Variants in SUMF2 observed in about 807,000 individuals in gnomAD.
SUMF2 encodes inactive C-alpha-formylglycine-generating enzyme 2.
Under a neutral mutation model 44.8 loss-of-function variants are expected in SUMF2, and 45 were observed. The ratio of observed to expected loss-of-function variants is 1.00; its 90% CI spans 0.79 to 1.29. SUMF2 has a LOEUF of 1.29. SUMF2 is among the 50% of genes most tolerant of loss of function. SUMF2 has a pLI of 0.00. For synonymous variants in SUMF2, 148 were observed against 150.4 expected (o/e 0.98, Z 0.12); for missense variants, 418 against 389.9 (o/e 1.07, Z -0.61).
chr7:56,076,323 G>A (rs1795546740), intron 5 of SUMF2, among the ~76,000 whole-genome samples: 1 of 151,984 alleles, frequency 6.6e-6, no homozygotes, highest in Non-Finnish European at 1.5e-5. Flanking sequence ...ACCATGCCCT[G>A]CATAATTTTT....
At chr7:56,068,418 C>T (rs1794950948) in intron 1 of SUMF2, 64 bp from the exon 2 acceptor site, 1 of 1,447,170 alleles carries the variant, frequency 6.9e-7, no homozygotes, top group Non-Finnish European at 9.4e-7. Context: ...GCATATGATC[C>T]AAATATTACC....
intron 2 of SUMF2, among the ~76,000 whole-genome samples, chr7:56,071,699 C>T (rs1340590130): frequency 5.9e-5 from 9 of 151,756 alleles, no homozygotes; most frequent in South Asian, 2.1e-4. Context: ...GCAAGATTAT[C>T]GCTTGAACCC....
chr7:56,076,928 A>G, intron 6 of SUMF2, 39 bp downstream of exon 6: 1 of 1,584,282 alleles, frequency 6.3e-7, no homozygotes, highest in African/African-American at 1.3e-5. Context: ...GCATTGACAG[A>G]GACCTGCTGG....
At chr7:56,086,844 C>A in the SUMF2 span, 3 of 792,934 alleles carry the variant, frequency 3.8e-6, no homozygotes, top group South Asian at 2.8e-5. Context: ...TGTCTAAACA[C>A]CGTGATTGTA....
At chr7:56,087,596 A>G in the SUMF2 span, 1 of 1,611,738 alleles carries the variant, frequency 6.2e-7, no homozygotes, top group Non-Finnish European at 8.5e-7. Context: ...GCCATCACTC[A>G]CTGATGTTGG....
At chr7:56,084,370 A>G, downstream of SUMF2, 1 of 408,794 alleles carries the variant, frequency 2.4e-6, no homozygotes, top group Non-Finnish European at 4.3e-6. Flanking sequence ...GAGTATCCCG[A>G]TTTTTTTTTT....
Position 56,076,836 on chromosome 7 carries a change from C to T in SUMF2, c.538C>T (p.Gln180Ter). 1 of 1,597,358 alleles carries T rather than the reference C, an allele frequency of 6.3e-7. No individual in the cohort carries two copies. The highest frequency in any genetic ancestry group is 8.5e-7 in the Non-Finnish European group (1 of 1,171,152). The change falls in exon 6 of 9, where the codon CAA becomes TAA. Residue 180 changes from glutamine (Q) to a stop codon, truncating the protein, a stop_gained and splice_region_variant. Transcript: ENST00000434526. LOFTEE classifies it high-confidence loss of function. ...CTGCCTCCTTGCTCTCCTCGCAGGT[C>T]AAGTTTACCCATGGGGGAACTGGTT... Reference protein sequence around the residue: ...EFAARGGLKGQVYPWGNWFQP... With the variant: ...EFAARGGLKG
At chr7:56,070,876 C>G (rs934425355) in intron 2 of SUMF2, among the ~76,000 whole-genome samples, 7 of 152,090 alleles carry the variant, frequency 4.6e-5, no homozygotes, top group African/African-American at 1.7e-4. Context: ...AAGCCTTTTG[C>G]TAAGTGAAGG....
intron 1 of SUMF2, among the ~76,000 whole-genome samples, chr7:56,065,192 A>G (rs1247399907): frequency 2.3e-5 from 2 of 87,624 alleles, no homozygotes; most frequent in Non-Finnish European, 5.0e-5. Flanking sequence ...CTCCGTCTCA[A>G]AAAAAAAAAA....
At chr7:56,076,759 CTCTT>C in intron 5 of SUMF2, 71 bp from the exon 6 acceptor site, 7 of 1,384,830 alleles carry the variant, frequency 5.1e-6, no homozygotes, top group Non-Finnish European at 7.0e-6. Context: ...GATTCCCTCA[CTCTT>C]TCTGTGTTCT....
At position 56,074,116 on chromosome 7, in the gene SUMF2, G is replaced by C. The variant is rs1325552051; in HGVS notation, c.340-58G>C. 2.1e-5 allele frequency: 33 copies of C among 1,540,186 alleles called. 1 individual carries two copies. The highest frequency in any genetic ancestry group is 1.7e-4 in the Middle Eastern group (1 of 5,912). On this transcript the variant is annotated intron_variant, in intron 3 of 8. Transcript: ENST00000434526. ...CTGTTCTGCGTCCTGTGGCTCAGTCGGGGAGGTGCCTTTGCTGGGCCGGAG... is the reference window on the plus strand; with the variant it reads ...CTGTTCTGCGTCCTGTGGCTCAGTCCGGGAGGTGCCTTTGCTGGGCCGGAG...
rs1430789091 is a variant in SUMF2, at chr7:56,074,727, G to T, written c.526G>T (p.Gly176Cys). The change falls in exon 5 of 9, where the codon GGC becomes TGC. Residue 176 changes from glycine (G) to cysteine (C), a missense_variant. Gly to Cys is a radical substitution (Grantham distance 159). Transcript: ENST00000434526. ...EEEWEFAARG[G>C]LKGQVYPWGN... is the part of the protein sequence containing the mutation. The stretch of plus-strand genomic sequence containing the variant: ...AGAGTGGGAGTTTGCCGCCCGAGGG[G>T]GCTTGAAGGGTATCCAGATGATAAG... The T allele has an allele frequency of 3.1e-6, 5 of 1,614,136 alleles. No homozygotes were observed. The highest frequency in any genetic ancestry group is 4.2e-6 in the Non-Finnish European group (5 of 1,180,024).
chr7:56,081,724 TTC>T, downstream of SUMF2: 1 of 1,613,662 alleles, frequency 6.2e-7, no homozygotes, highest in Non-Finnish European at 8.5e-7. The surrounding 1 kb of genome is among the most constrained non-coding windows in gnomAD (Gnocchi z 4.6). Flanking sequence ...TGTGTAGCGG[TTC>T]TGGGGTTGCA....
rs760678664 is a variant in SUMF2, at chr7:56,068,560, A to T, written c.146A>T (p.Asp49Val). Residue 49 changes from aspartate (D) to valine (V), a missense_variant, in exon 2 of 9, where the codon GAT (aspartate) becomes GTT (valine). Transcript: ENST00000434526. ...LMGTNSPDSR[D>V]GDGPVREATV... is the part of the protein sequence containing the mutation. The stretch of plus-strand genomic sequence containing the variant: ...GGAACAAATTCTCCAGACAGCAGAG[A>T]TGGTGACGGGCCTGTGCGGGAGGCG... The T allele has an allele frequency of 1.2e-6, 2 of 1,614,070 alleles. No homozygotes were observed. Among genetic ancestry groups the T allele is most frequent in the South Asian group, 1.1e-5 (1 of 91,072 alleles).
chr7:56,082,069 C>G (rs755611668), downstream of SUMF2: 4 of 1,609,602 alleles, frequency 2.5e-6, no homozygotes, highest in Non-Finnish European at 3.4e-6. Context: ...GGGCCCAGGG[C>G]CACTTACCCA....
At chr7:56,079,301 T>C in intron 8 of SUMF2, 2 of 575,346 alleles carry the variant, frequency 3.5e-6, no homozygotes, top group Non-Finnish European at 6.2e-6. Context: ...CTCCCCCTAC[T>C]CTTGCAAGAC....
chr7:56,086,931 T>G, the SUMF2 span: 6 of 1,542,266 alleles, frequency 3.9e-6, no homozygotes, highest in Non-Finnish European at 5.4e-6. Flanking sequence ...CAGTCGGAGG[T>G]TCTCTCAGGT....
chr7:56,087,452 C>T, the SUMF2 span: 2 of 719,370 alleles, frequency 2.8e-6, no homozygotes, highest in African/African-American at 3.5e-5. Flanking sequence ...GGGACCCCTT[C>T]TATCAGAGCA....
At position 56,079,974 on chromosome 7, in the gene SUMF2, C is replaced by T. The variant is rs984977099; in HGVS notation, c.*362C>T. The T allele has an allele frequency of 8.0e-6, 9 of 1,128,302 alleles. No homozygotes were observed. The East Asian group carries it at 2.1e-4, about 26-fold the overall frequency. 69.9% of individuals were successfully genotyped at this position (1,128,302 alleles called of 1,614,324 possible). On this transcript the variant is annotated 3_prime_UTR_variant, in exon 9 of 9. Coordinates refer to ENST00000434526, the MANE Select transcript of SUMF2 (RefSeq NM_015411.4). Reference sequence around the variant, plus strand: ...TCTCCCCCTTTCTCCCTGGATGATTCAGGAAGCTGACATTGTTTCCTCAAG... The same window carrying T: ...TCTCCCCCTTTCTCCCTGGATGATTTAGGAAGCTGACATTGTTTCCTCAAG...
Sources: gnomAD v4.1 joint callset for allele counts (sites outside exome capture counted in the v4.1 genomes callset) on GRCh38, gnomAD v4.1.1 for gene constraint, Gnocchi (gnomAD v3.1) non-coding constraint, MANE v1.5 for transcripts, NCBI Gene and HGNC (gene_info 2026-07-23, HGNC 2026-07-21) for gene names.